ANGPTL1: variants seen among roughly 807,000 people sequenced by gnomAD.
ANGPTL1 encodes the protein angiopoietin-related protein 1.
A neutral mutation model predicts 46.7 loss-of-function variants in ANGPTL1; 36 were observed. That is an observed-to-expected ratio of 0.77 (90% CI 0.59 to 1.02). ANGPTL1 has a LOEUF of 1.02. Among genes scored for constraint, ANGPTL1 ranks in the 50% least tolerant of loss-of-function variants. The probability of loss-of-function intolerance (pLI) is 0.00; values close to 1 mark genes in which losing one functional copy is unlikely to be tolerated. For missense variants in ANGPTL1, 571 were observed against 594.7 expected, an observed-to-expected ratio of 0.96 and a Z score of 0.41; for synonymous variants, 221 against 204.3, an observed-to-expected ratio of 1.08 and a Z score of -0.69.
At chr1:178,862,260 A>G (rs1388833290) in intron 3 of ANGPTL1, among the ~76,000 whole-genome samples, 1 of 152,138 alleles carries the variant, frequency 6.6e-6, no homozygotes, top group Non-Finnish European at 1.5e-5. Flanking sequence ...AAATGAACAA[A>G]TCCAATATGA....
At chr1:178,870,523 A>G (rs1658689616) in intron 1 of ANGPTL1, among the ~76,000 whole-genome samples, 1 of 152,192 alleles carries the variant, frequency 6.6e-6, no homozygotes, top group Non-Finnish European at 1.5e-5. Context: ...TATACACTAA[A>G]CATCATTAAA....
chr1:178,852,806 C>G lies in ANGPTL1; in HGVS notation c.1165G>C (p.Glu389Gln), dbSNP rs779355325. The G allele has an allele frequency of 2.5e-6, 4 of 1,613,770 alleles. No homozygotes were observed. Among genetic ancestry groups the G allele is most frequent in the African/African-American group, 1.3e-5 (1 of 74,910 alleles). Residue 389 changes from glutamate (E) to glutamine (Q), a missense_variant, in exon 5 of 6, where the codon GAA becomes CAA. Coordinates refer to ENST00000234816, the MANE Select transcript of ANGPTL1 (RefSeq NM_004673.4). ...AGTCTATAGAATTCACTTTCAGGTTCCAGACGAAAGCTGCTGTATTCTGCA... is the reference window on the plus strand; with the variant it reads ...AGTCTATAGAATTCACTTTCAGGTTGCAGACGAAAGCTGCTGTATTCTGCA... ...VYAEYSSFRL[E>Q]PESEFYRLRL...
rs1179417539 is a variant in ANGPTL1, at chr1:178,852,831, A to C, written c.1140T>G (p.Tyr380Ter). The change falls in exon 5 of 6, where the codon TAT becomes TAG. Residue 380 changes from tyrosine to a stop codon, truncating the protein, a stop_gained. Transcript: ENST00000234816. LOFTEE classifies it high-confidence loss of function. Reference sequence around the variant, plus strand: ...CCAGACGAAAGCTGCTGTATTCTGCATAGACTTTTTTATCACTCCAGTCTT... The same window carrying C: ...CCAGACGAAAGCTGCTGTATTCTGCCTAGACTTTTTTATCACTCCAGTCTT... ...ELEDWSDKKV[Y>*]AEYSSFRLEP... 3.7e-6 allele frequency: 6 copies of C among 1,613,938 alleles called. No individual in the cohort carries two copies. In the South Asian group the frequency reaches 5.5e-5, roughly 15 times the overall value.
rs71108081 is a variant in ANGPTL1, at chr1:178,856,394, A to ATTTTTTTTTTTTT, written c.824-2620_824-2608dup. Among the ~76,000 whole-genome samples the ATTTTTTTTTTTTT allele has an allele frequency of 4.7e-3, 170 of 36,434 alleles. 44 individuals carry two copies. Among genetic ancestry groups the ATTTTTTTTTTTTT allele is most frequent in the African/African-American group, 7.1e-3 (49 of 6,866 alleles). 23.9% of individuals were successfully genotyped at this position (36,434 alleles called of 152,430 possible). ...AGGCAAGTGCCACCCTGCCTGGCTA[A>ATTTTTTTTTTTTT]TTTTTTTTTTTTTTTTTTTTTTTTT... On this transcript the variant is annotated intron_variant, in intron 3 of 5. Coordinates refer to ENST00000234816, the MANE Select transcript of ANGPTL1 (RefSeq NM_004673.4).
chr1:178,867,853 T>A (rs1485884445), intron 2 of ANGPTL1, among the ~76,000 whole-genome samples: 1 of 151,882 alleles, frequency 6.6e-6, no homozygotes, highest in East Asian at 2.0e-4. Flanking sequence ...GAAATATAAC[T>A]CTTATGCTGT....
At chr1:178,861,617 A>C (rs914174780) in intron 3 of ANGPTL1, among the ~76,000 whole-genome samples, 1 of 152,214 alleles carries the variant, frequency 6.6e-6, no homozygotes, top group African/African-American at 2.4e-5. Context: ...ATCACATAGA[A>C]TACTCCATGG....
chr1:178,855,949 A>G (rs995934529), intron 3 of ANGPTL1, among the ~76,000 whole-genome samples: 8 of 148,828 alleles, frequency 5.4e-5, no homozygotes, highest in Non-Finnish European at 1.2e-4. Flanking sequence ...TACATTTTAT[A>G]TATAATATCT....
intron 2 of ANGPTL1, among the ~76,000 whole-genome samples, chr1:178,868,263 G>A (rs943126267): frequency 6.6e-6 from 1 of 151,700 alleles, no homozygotes; most frequent in East Asian, 1.9e-4. Flanking sequence ...CTCCAGATTC[G>A]TGGAATTTAG....
In ANGPTL1 at chr1:178,850,525, A is replaced by G. The variant is rs998549229; in HGVS notation, c.*604T>C. Reference sequence around the variant, plus strand: ...TTTGGGTTTTTTTTTATTTTTAAAAATGATATGTATTTAATACTATGGGTC... The same window carrying G: ...TTTGGGTTTTTTTTTATTTTTAAAAGTGATATGTATTTAATACTATGGGTC... On this transcript the variant is annotated 3_prime_UTR_variant, in exon 6 of 6. Coordinates refer to ENST00000234816, the MANE Select transcript of ANGPTL1 (RefSeq NM_004673.4). The G allele has an allele frequency of 2.0e-5, 3 of 152,056 alleles. No individual in the cohort carries two copies. Among genetic ancestry groups the G allele is most frequent in the African/African-American group, 4.8e-5 (2 of 41,432 alleles). The allele number at this position is 152,056 out of a possible 1,614,324, so 9.4% of individuals were successfully genotyped here. A position where few individuals can be genotyped will look rare whatever the true frequency, so the allele number is the denominator to read the frequency against.
rs753439316 is a variant in ANGPTL1, at chr1:178,853,707, T to G, written c.904A>C (p.Asn302His). 3.7e-6 allele frequency: 6 copies of G among 1,612,816 alleles called. No individual in the cohort carries two copies. The East Asian group carries it at 1.1e-4, about 30-fold the overall frequency. ...GIYMIKPENS[N>H]GPMQLWCENS... ...TCACACCATAACTGCATTGGTCCATTGCTGTTTTCAGGTTTAATCATATAA... is the reference window on the plus strand; with the variant it reads ...TCACACCATAACTGCATTGGTCCATGGCTGTTTTCAGGTTTAATCATATAA... Residue 302 changes from asparagine (N) to histidine (H), a missense_variant, in exon 4 of 6, where the codon AAT becomes CAT. Coordinates refer to ENST00000234816, the MANE Select transcript of ANGPTL1 (RefSeq NM_004673.4).
chr1:178,856,200 G>GAT (rs1348083361), intron 3 of ANGPTL1, among the ~76,000 whole-genome samples: 225 of 40,898 alleles, frequency 5.5e-3, no homozygotes, highest in African/African-American at 0.015. Flanking sequence ...CAGAGAGAGA[G>GAT]AGATATATAT....
chr1:178,853,705 A>G lies in ANGPTL1; in HGVS notation c.906T>C (p.Asn302=), dbSNP rs1036237696. 1.2e-6 allele frequency: 2 copies of G among 1,612,820 alleles called. No individual in the cohort carries two copies. The highest frequency in any genetic ancestry group is 3.3e-5 in the Admixed American group (2 of 59,862). ...TTTCACACCATAACTGCATTGGTCC[A>G]TTGCTGTTTTCAGGTTTAATCATAT... ...GIYMIKPENS[N]GPMQLWCENS... The change falls in exon 4 of 6, where the codon AAT becomes AAC. Residue 302 remains asparagine (N), a synonymous_variant. Coordinates refer to ENST00000234816, the MANE Select transcript of ANGPTL1 (RefSeq NM_004673.4).
At chr1:178,856,202 G>GAGAGATAT (rs1428022812) in intron 3 of ANGPTL1, among the ~76,000 whole-genome samples, 6 of 83,900 alleles carry the variant, frequency 7.2e-5, no homozygotes, top group African/African-American at 3.9e-4. Flanking sequence ...GAGAGAGAGA[G>GAGAGATAT]ATATATATAT....
intron 3 of ANGPTL1, among the ~76,000 whole-genome samples, chr1:178,856,931 A>G (rs1572410349): frequency 6.6e-6 from 1 of 152,318 alleles, no homozygotes; most frequent in Admixed American, 6.5e-5. Context: ...GGCACAAAAC[A>G]TTAATGTGCT....
intron 3 of ANGPTL1, among the ~76,000 whole-genome samples, chr1:178,861,084 C>T (rs1413940): frequency 2.0e-5 from 3 of 152,112 alleles, no homozygotes; most frequent in African/African-American, 7.2e-5. Flanking sequence ...TGAGAAAACA[C>T]AAACTGGCAG....
At chr1:178,853,479 C>A in intron 4 of ANGPTL1, 115 bp downstream of exon 4, 6 of 933,394 alleles carry the variant, frequency 6.4e-6, no homozygotes, top group South Asian at 4.9e-5. Flanking sequence ...AATGAAAAAA[C>A]ATATGGATAG....
At position 178,853,034 on chromosome 1, in the gene ANGPTL1, G is replaced by A. The variant is rs1183867336; in HGVS notation, c.1018-81C>T. 9.3e-6 allele frequency: 14 copies of A among 1,505,658 alleles called. No homozygotes were observed. The Admixed American group carries it at 1.1e-4, about 12-fold the overall frequency. The allele number at this position is 1,505,658 out of a possible 1,614,324, so 93.3% of individuals were successfully genotyped here. ...TTTTACAGAGCAGTGTTAAACATTC[G>A]ATAGCATAAAGATACTGGCCATTTA... On this transcript the variant is annotated intron_variant, in intron 4 of 5. Transcript: ENST00000234816.
At chr1:178,855,974 AAAG>A (rs1239190826) in intron 3 of ANGPTL1, among the ~76,000 whole-genome samples, 2 of 148,808 alleles carry the variant, frequency 1.3e-5, no homozygotes, top group African/African-American at 4.9e-5. Context: ...TAAGAACAAA[AAAG>A]TAATATATAT....
Position 178,853,801 on chromosome 1 carries a change from A to G in ANGPTL1, c.824-14T>C. Reference sequence around the variant, plus strand: ...CTTTGAATGGTCCTATAATTTAAATATCATTTATTATCAGCAAACTTAATA... The same window carrying G: ...CTTTGAATGGTCCTATAATTTAAATGTCATTTATTATCAGCAAACTTAATA... On this transcript the variant is annotated splice_polypyrimidine_tract_variant and intron_variant, in intron 3 of 5. Transcript: ENST00000234816. The G allele has an allele frequency of 3.3e-6, 5 of 1,526,258 alleles. No homozygotes were observed. Among genetic ancestry groups the G allele is most frequent in the Non-Finnish European group, 4.4e-6 (5 of 1,139,856 alleles). The allele number at this position is 1,526,258 out of a possible 1,614,324, so 94.5% of individuals were successfully genotyped here.
Sources: gnomAD v4.1 joint callset for allele counts (sites outside exome capture counted in the v4.1 genomes callset) on GRCh38, gnomAD v4.1.1 for gene constraint, MANE v1.5 for transcripts, NCBI Gene and HGNC (gene_info 2026-07-23, HGNC 2026-07-21) for gene names.